Variants in SRPK2 observed in about 807,000 individuals in gnomAD.
SRPK2 encodes SRSF protein kinase 2, also known as SFRS protein kinase 2.
SRPK2 carries 21 observed loss-of-function variants against 90.8 expected under a neutral mutation model. That is an observed-to-expected ratio of 0.23 (90% CI 0.16 to 0.33). The LOEUF (loss-of-function observed/expected upper bound fraction) is 0.33, where lower values mean the gene tolerates loss of function less well. Ranked by LOEUF, SRPK2 falls within the 10% of genes least tolerant of loss-of-function variation. The probability of loss-of-function intolerance (pLI) is 1.00; values close to 1 mark genes in which losing one functional copy is unlikely to be tolerated. For missense variants in SRPK2, 620 were observed against 869.0 expected (o/e 0.71, Z 3.60); for synonymous variants, 288 against 311.1 (o/e 0.93, Z 0.78).
At chr7:105,331,095 A>C (rs2131690419) in intron 2 of SRPK2, among the ~76,000 whole-genome samples, 1 of 152,188 alleles carries the variant, frequency 6.6e-6, no homozygotes. Context: ...TGAGGTCAGG[A>C]GTTTGACAAC....
At chr7:105,177,886 G>A (rs957461143) in intron 3 of SRPK2, among the ~76,000 whole-genome samples, 16 of 152,054 alleles carry the variant, frequency 1.1e-4, no homozygotes, top group Admixed American at 3.3e-4. Flanking sequence ...TTAGCCAGGT[G>A]GGCATAGTGG....
intron 2 of SRPK2, among the ~76,000 whole-genome samples, chr7:105,256,082 T>A (rs1314181535): frequency 6.6e-6 from 1 of 152,158 alleles, no homozygotes; most frequent in Non-Finnish European, 1.5e-5. Flanking sequence ...GCCTCAAATG[T>A]CAGAAAAATC....
chr7:105,203,889 A>G, intron 2 of SRPK2, 104 bp from the exon 3 acceptor site: 8 of 1,342,946 alleles, frequency 6.0e-6, no homozygotes, highest in Non-Finnish European at 7.1e-6. Context: ...AACTTGTCAC[A>G]TACTAAGAAG....
chr7:105,132,633 A>G (rs1802177086), intron 13 of SRPK2, among the ~76,000 whole-genome samples, 158 bp downstream of exon 13: 1 of 152,116 alleles, frequency 6.6e-6, no homozygotes, highest in South Asian at 2.1e-4. Flanking sequence ...ACTTCTTAAG[A>G]TGCCTGCGGC....
intron 2 of SRPK2, among the ~76,000 whole-genome samples, chr7:105,382,381 C>T (rs915528278): frequency 1.3e-5 from 2 of 150,700 alleles, no homozygotes; most frequent in African/African-American, 4.9e-5. Flanking sequence ...GGAGAAACCC[C>T]GTCTCTACTT....
At chr7:105,171,716 G>T (rs951803884) in intron 3 of SRPK2, among the ~76,000 whole-genome samples, 6 of 152,176 alleles carry the variant, frequency 3.9e-5, no homozygotes, top group Non-Finnish European at 7.4e-5. Flanking sequence ...CTCTGCACTT[G>T]CTTGTCCTGG....
At chr7:105,349,111 C>G (rs1816832294) in intron 2 of SRPK2, among the ~76,000 whole-genome samples, 2 of 146,182 alleles carry the variant, frequency 1.4e-5, no homozygotes. Flanking sequence ...CATCACTGCA[C>G]TCCAGCCTGG....
Position 105,117,767 on chromosome 7 carries a change from TGA to T in SRPK2, c.*69_*70del, listed in dbSNP as rs1799768867. On this transcript the variant is annotated 3_prime_UTR_variant, in exon 16 of 16. Coordinates refer to ENST00000393651, the MANE Select transcript of SRPK2 (RefSeq NM_182692.3). Reference sequence around the variant, plus strand: ...GCTCACTTGTAATCCTGTTAAAGAATGAGAGTCACCGTTTAGGTCCAATGTAC... The same window carrying T: ...GCTCACTTGTAATCCTGTTAAAGAATGAGTCACCGTTTAGGTCCAATGTAC... The T allele has an allele frequency of 6.6e-7, 1 of 1,506,634 alleles. No individual in the cohort carries two copies. The highest frequency in any genetic ancestry group is 1.4e-5 in the African/African-American group (1 of 72,142). The allele number at this position is 1,506,634 out of a possible 1,614,324, so 93.3% of individuals were successfully genotyped here.
At chr7:105,118,724 C>T (rs1366387491) in intron 15 of SRPK2, among the ~76,000 whole-genome samples, 1 of 151,874 alleles carries the variant, frequency 6.6e-6, no homozygotes, top group Non-Finnish European at 1.5e-5. Flanking sequence ...TTCAGACCAG[C>T]CTGGGTAACA....
intron 7 of SRPK2, among the ~76,000 whole-genome samples, chr7:105,157,283 G>A (rs879321741): frequency 9.2e-5 from 14 of 152,232 alleles, no homozygotes; most frequent in South Asian, 4.1e-4. Context: ...GAACATGGTC[G>A]GTTATCCATG....
At chr7:105,325,486 CAAAAAAAAA>C (rs33959633) in intron 2 of SRPK2, among the ~76,000 whole-genome samples, 1 of 86,110 alleles carries the variant, frequency 1.2e-5, no homozygotes, top group Non-Finnish European at 2.1e-5. Flanking sequence ...ACCAAGTCTT[CAAAAAAAAA>C]AAAAAAAAAT....
At chr7:105,264,703 T>A (rs1804799357) in intron 2 of SRPK2, among the ~76,000 whole-genome samples, 1 of 152,232 alleles carries the variant, frequency 6.6e-6, no homozygotes, top group South Asian at 2.1e-4. Context: ...TTTCCGTATC[T>A]GTTCCCTGAG....
At chr7:105,314,820 A>C (rs1469646040) in intron 2 of SRPK2, among the ~76,000 whole-genome samples, 3 of 152,262 alleles carry the variant, frequency 2.0e-5, no homozygotes, top group Non-Finnish European at 2.9e-5. Flanking sequence ...ATGTCGAATA[A>C]TGAGAAATTC....
chr7:105,300,705 G>A (rs544028674), intron 2 of SRPK2, among the ~76,000 whole-genome samples: 1 of 152,244 alleles, frequency 6.6e-6, no homozygotes, highest in South Asian at 2.1e-4. Context: ...AGTGGGCAAC[G>A]GATATGAACA....
At chr7:105,202,917 TTATAATTAGCTCCCCTCAGGA>T (rs1428316861) in intron 3 of SRPK2, among the ~76,000 whole-genome samples, 1 of 152,112 alleles carries the variant, frequency 6.6e-6, no homozygotes, top group African/African-American at 2.4e-5. Context: ...TGCACAAGAG[TTATAATTAGCTCCCCTCAGGA>T]GCCTGGTACA....
chr7:105,293,502 AC>A (rs1809356511), intron 2 of SRPK2, among the ~76,000 whole-genome samples: 1 of 134,724 alleles, frequency 7.4e-6, no homozygotes, highest in South Asian at 2.6e-4. Context: ...TCCACCCCCC[AC>A]CCCGCCCCGG....
intron 2 of SRPK2, among the ~76,000 whole-genome samples, chr7:105,239,489 C>T (rs1421138551): frequency 6.6e-6 from 1 of 152,210 alleles, no homozygotes; most frequent in Non-Finnish European, 1.5e-5. Flanking sequence ...TCCTTCTCAA[C>T]CAAAATAATA....
At chr7:105,393,093 A>C (rs1205654853), upstream of SRPK2, among the ~76,000 whole-genome samples, 1 of 152,036 alleles carries the variant, frequency 6.6e-6, no homozygotes, top group East Asian at 1.9e-4. Context: ...TTCCAGGCTC[A>C]AGTGATTCTC....
intron 2 of SRPK2, among the ~76,000 whole-genome samples, chr7:105,241,842 G>C (rs554494433): frequency 6.6e-6 from 1 of 151,734 alleles, no homozygotes; most frequent in African/African-American, 2.4e-5. Context: ...TCTTCTCATA[G>C]ATTGGCATTA....
Sources: gnomAD v4.1 joint callset for allele counts (sites outside exome capture counted in the v4.1 genomes callset) on GRCh38, gnomAD v4.1.1 for gene constraint, MANE v1.5 for transcripts, NCBI Gene and HGNC (gene_info 2026-07-23, HGNC 2026-07-21) for gene names.